The following STEAP1B variants were observed in gnomAD, a reference collection of about 807,000 sequenced individuals.
The protein encoded by STEAP1B is STEAP family protein MGC87042.
A neutral mutation model predicts 27.9 loss-of-function variants in STEAP1B; 13 were observed. The ratio of observed to expected loss-of-function variants is 0.47; its 90% confidence interval spans 0.30 to 0.74. The LOEUF is 0.74. Ranked by LOEUF, STEAP1B falls within the 30% of genes least tolerant of loss-of-function variation. The pLI, the probability that STEAP1B is intolerant of heterozygous loss-of-function variation, is 0.06. For synonymous variants in STEAP1B, 86 were observed against 107.1 expected (o/e 0.80, Z 1.22); for missense variants, 250 against 298.7 (o/e 0.84, Z 1.20).
intron 4 of STEAP1B, among the ~76,000 whole-genome samples, chr7:22,483,522 G>T (rs2128414501): frequency 6.6e-6 from 1 of 152,300 alleles, no homozygotes; most frequent in African/African-American, 2.4e-5. Flanking sequence ...TTTGTGGCAA[G>T]CCTCTGTCAA....
At chr7:22,450,721 C>T (rs936667828) in intron 4 of STEAP1B, among the ~76,000 whole-genome samples, 10 of 150,996 alleles carry the variant, frequency 6.6e-5, no homozygotes, top group African/African-American at 2.4e-4. Flanking sequence ...TAAATTAAAT[C>T]TGTACACTGC....
intron 4 of STEAP1B, among the ~76,000 whole-genome samples, chr7:22,444,316 C>T (rs3114710): frequency 0.35 from 53,708 of 152,010 alleles, 9,524 homozygotes; most frequent in Middle Eastern, 0.46. Flanking sequence ...CTTGAGAGGG[C>T]GTGAGCAGGA....
chr7:22,419,953 A>C (rs1432306811), intron 4 of STEAP1B, 117 bp from the exon 5 acceptor site: 2 of 1,250,686 alleles, frequency 1.6e-6, no homozygotes, highest in African/African-American at 3.1e-5. Context: ...ACGCTTTTCT[A>C]AAGTCACCAG....
chr7:22,486,420 C>CT (rs200573388), intron 4 of STEAP1B, among the ~76,000 whole-genome samples: 2,131 of 152,246 alleles, frequency 0.014, 15 homozygotes, highest in Middle Eastern at 0.037. Flanking sequence ...GCCCTGAGGC[C>CT]TTTGCTTCTA....
chr7:22,436,770 A>T (rs1785260604), intron 4 of STEAP1B, among the ~76,000 whole-genome samples: 1 of 152,204 alleles, frequency 6.6e-6, no homozygotes. Context: ...TATACGTACC[A>T]CATTTTCTTT....
In STEAP1B at chr7:22,494,196, T is replaced by C. The variant is rs1035569944; in HGVS notation, c.85-360A>G. ...ATTTCTGCTAAAACTTCCATTGAGA[T>C]AATTTGGAAGTTTGGAACCAAAATT... On this transcript the variant is annotated intron_variant, in intron 2 of 4. Transcript: ENST00000678116. Among the ~76,000 whole-genome samples the C allele has an allele frequency of 1.3e-5, 2 of 149,120 alleles. 1 individual carries two copies. The highest frequency in any genetic ancestry group is 1.3e-4 in the Admixed American group (2 of 14,910).
intron 4 of STEAP1B, among the ~76,000 whole-genome samples, chr7:22,423,832 C>G (rs1785073909): frequency 6.6e-6 from 1 of 152,124 alleles, no homozygotes; most frequent in South Asian, 2.1e-4. Context: ...AGTTCAAGAC[C>G]AGCCTGGGAA....
At chr7:22,457,376 C>T (rs954577133) in intron 4 of STEAP1B, among the ~76,000 whole-genome samples, 1 of 152,174 alleles carries the variant, frequency 6.6e-6, no homozygotes, top group South Asian at 2.1e-4. Context: ...ATAATTGTTA[C>T]AATTAGCCAA....
chr7:22,496,710 G>A lies in STEAP1B; in HGVS notation c.-31-1824C>T, dbSNP rs543202830. ...AGACTATACCATCTAGCCTAAGTAT[G>A]TAGGAGGCTGTACCATCTAAGTTTA... On this transcript the variant is annotated intron_variant, in intron 1 of 4. Coordinates refer to ENST00000678116, the MANE Select transcript of STEAP1B (RefSeq NM_001382447.1). Among the ~76,000 whole-genome samples, 14 of 152,284 alleles carry A rather than the reference G, an allele frequency of 9.2e-5. No homozygotes were observed. In the South Asian group the frequency reaches 2.5e-3, roughly 27 times the overall value.
chr7:22,494,711 T>C lies in STEAP1B; in HGVS notation c.84+61A>G, dbSNP rs1354599402. 1.3e-5 allele frequency: 15 copies of C among 1,195,524 alleles called. No individual in the cohort carries two copies. In the East Asian group the frequency reaches 4.0e-4, roughly 32 times the overall value. 74.1% of individuals were successfully genotyped at this position (1,195,524 alleles called of 1,614,324 possible). A position where few individuals can be genotyped will look rare whatever the true frequency, so the allele number is the denominator to read the frequency against. On this transcript the variant is annotated intron_variant, in intron 2 of 4. Coordinates refer to ENST00000678116, the MANE Select transcript of STEAP1B (RefSeq NM_001382447.1). ...TCATAACACTAGGAGATACAGAATGTCATCGAATTATGTTTAAAGATGTAA... is the reference window on the plus strand; with the variant it reads ...TCATAACACTAGGAGATACAGAATGCCATCGAATTATGTTTAAAGATGTAA...
chr7:22,462,121 A>C (rs1488939709), intron 4 of STEAP1B, among the ~76,000 whole-genome samples: 2 of 152,158 alleles, frequency 1.3e-5, no homozygotes, highest in Non-Finnish European at 1.5e-5. Flanking sequence ...ATCACTACCA[A>C]CTAAAAAAGA....
chr7:22,456,080 G>C (rs1163978510), intron 4 of STEAP1B, among the ~76,000 whole-genome samples: 1 of 151,996 alleles, frequency 6.6e-6, no homozygotes, highest in East Asian at 1.9e-4. Flanking sequence ...CCAGGAGGCA[G>C]AGCTTGCAGT....
At chr7:22,481,386 C>T (rs1197561696) in intron 4 of STEAP1B, among the ~76,000 whole-genome samples, 1 of 152,194 alleles carries the variant, frequency 6.6e-6, no homozygotes, top group Non-Finnish European at 1.5e-5. Flanking sequence ...TGGCCTTTTG[C>T]TGGCCCTCTT....
intron 4 of STEAP1B, among the ~76,000 whole-genome samples, chr7:22,474,358 C>G (rs1416345768): frequency 6.6e-6 from 1 of 152,172 alleles, no homozygotes; most frequent in African/African-American, 2.4e-5. Flanking sequence ...TGCAGAGATT[C>G]TGATATTACA....
chr7:22,446,635 A>G (rs1785413236), intron 4 of STEAP1B, among the ~76,000 whole-genome samples: 1 of 152,270 alleles, frequency 6.6e-6, no homozygotes, highest in Non-Finnish European at 1.5e-5. Context: ...TTCCATTGGA[A>G]TATGAATGCT....
intron 4 of STEAP1B, among the ~76,000 whole-genome samples, chr7:22,488,192 C>A (rs1297815378): frequency 6.6e-6 from 1 of 152,238 alleles, no homozygotes; most frequent in African/African-American, 2.4e-5. Context: ...GCCCCATCCA[C>A]ATGGCCTCCA....
At chr7:22,452,759 T>C (rs1785511274) in intron 4 of STEAP1B, among the ~76,000 whole-genome samples, 1 of 152,072 alleles carries the variant, frequency 6.6e-6, no homozygotes, top group Non-Finnish European at 1.5e-5. Context: ...GCTGAGAATC[T>C]TACCCCAAGC....
At chr7:22,428,521 G>C (rs1785137670) in intron 4 of STEAP1B, among the ~76,000 whole-genome samples, 1 of 3,138 alleles carries the variant, frequency 3.2e-4, no homozygotes, top group East Asian at 0.12. Context: ...AGAGAAAGGA[G>C]GAAAGATGAA....
intron 4 of STEAP1B, among the ~76,000 whole-genome samples, chr7:22,443,602 C>T (rs990615101): frequency 1.4e-4 from 22 of 152,284 alleles, no homozygotes; most frequent in African/African-American, 5.3e-4. Context: ...TCTCCAATTA[C>T]AAGAAACATA....
Sources: gnomAD v4.1 joint callset for allele counts (sites outside exome capture counted in the v4.1 genomes callset) on GRCh38, gnomAD v4.1.1 for gene constraint, MANE v1.5 for transcripts, NCBI Gene and HGNC (gene_info 2026-07-23, HGNC 2026-07-21) for gene names.